TTL: variants seen among roughly 807,000 people sequenced by gnomAD.
TTL encodes tubulin tyrosine ligase, also known as tubulin--tyrosine ligase.
A neutral mutation model predicts 41.1 loss-of-function variants in TTL; 10 were observed. That is an observed-to-expected ratio of 0.24 (90% CI 0.15 to 0.41). The LOEUF (loss-of-function observed/expected upper bound fraction) is 0.41. Among genes scored for constraint, TTL ranks in the 10% least tolerant of loss-of-function variants. The pLI, the probability that TTL is intolerant of heterozygous loss-of-function variation, is 1.00. For missense variants in TTL, 367 were observed against 460.4 expected, an observed-to-expected ratio of 0.80 and a Z score of 1.86; for synonymous variants, 175 against 175.5, an observed-to-expected ratio of 1.00 and a Z score of 0.02.
At chr2:112,511,882 T>C (rs1480768664) in intron 5 of TTL, among the ~76,000 whole-genome samples, 1 of 152,092 alleles carries the variant, frequency 6.6e-6, no homozygotes, top group East Asian at 1.9e-4. Context: ...GTATTTCTTA[T>C]TTATTTATCT....
At chr2:112,521,009 G>C (rs1468656035) in intron 6 of TTL, among the ~76,000 whole-genome samples, 1 of 152,154 alleles carries the variant, frequency 6.6e-6, no homozygotes, top group Non-Finnish European at 1.5e-5. Flanking sequence ...AGACCCGTAT[G>C]ACAAGCTGAG....
At position 112,497,030 on chromosome 2, in the gene TTL, C is replaced by A. The variant is rs1574058737; in HGVS notation, c.469+2655C>A. On this transcript the variant is annotated intron_variant, in intron 3 of 6. Coordinates refer to ENST00000233336, the MANE Select transcript of TTL (RefSeq NM_153712.5). ...TGAGACAGGGTTTCACCACATTAGCCAGGATGGTCTCGATCTCCTGACCTC... is the reference window on the plus strand; with the variant it reads ...TGAGACAGGGTTTCACCACATTAGCAAGGATGGTCTCGATCTCCTGACCTC... Among the ~76,000 whole-genome samples the A allele has an allele frequency of 3.3e-5, 5 of 151,942 alleles. No homozygotes were observed. The South Asian group carries it at 1.0e-3, about 32-fold the overall frequency.
chr2:112,489,218 A>G (rs1253370216), intron 2 of TTL, among the ~76,000 whole-genome samples: 16 of 152,222 alleles, frequency 1.1e-4, no homozygotes, highest in Non-Finnish European at 1.5e-5. Flanking sequence ...TCACTCTTCA[A>G]AATCTAATGT....
At chr2:112,526,172 G>T (rs1682367635) in intron 6 of TTL, among the ~76,000 whole-genome samples, 1 of 152,188 alleles carries the variant, frequency 6.6e-6, no homozygotes, top group African/African-American at 2.4e-5. Flanking sequence ...TTGATGTGCT[G>T]CTGGATTTAG....
At chr2:112,511,739 A>AT (rs777155120) in intron 5 of TTL, among the ~76,000 whole-genome samples, 1,958 of 128,862 alleles carry the variant, frequency 0.015, 17 homozygotes, top group Non-Finnish European at 0.021. Flanking sequence ...TAATTTTTGT[A>AT]TTTTTTTTTT....
chr2:112,513,068 C>T (rs938726742), intron 5 of TTL, among the ~76,000 whole-genome samples: 7 of 151,598 alleles, frequency 4.6e-5, no homozygotes, highest in African/African-American at 1.7e-4. Context: ...AATGCAAAAA[C>T]CTTATAACAT....
chr2:112,498,868 A>C (rs949111780), intron 3 of TTL, among the ~76,000 whole-genome samples: 94 of 152,248 alleles, frequency 6.2e-4, no homozygotes, highest in African/African-American at 2.0e-3. Context: ...CTCAATCAAT[A>C]AATAAATAAT....
chr2:112,518,074 C>T (rs1206119512), intron 5 of TTL, among the ~76,000 whole-genome samples: 1 of 151,874 alleles, frequency 6.6e-6, no homozygotes, highest in African/African-American at 2.4e-5. Flanking sequence ...GATTCTCCTG[C>T]CTCAGCCTCC....
rs370839858 is a variant in TTL at position 112,494,217 on chromosome 2, A to G, written c.311A>G (p.Asn104Ser). Residue 104 changes from asparagine (N) to serine (S), a missense_variant, in exon 3 of 7, where the codon AAT (asparagine) becomes AGT (serine). Physicochemically the swap from Asn to Ser is conservative, Grantham distance 46. Coordinates refer to ENST00000233336, the MANE Select transcript of TTL (RefSeq NM_153712.5). ...FPESYVIYPT[N>S]LKTPVAPAQN... Reference sequence around the variant, plus strand: ...GAATCTTATGTGATTTATCCAACCAATCTCAAGACTCCAGTTGCTCCAGCA... The same window carrying G: ...GAATCTTATGTGATTTATCCAACCAGTCTCAAGACTCCAGTTGCTCCAGCA... 2 of 1,614,092 alleles carry G rather than the reference A, an allele frequency of 1.2e-6. No homozygotes were observed. Among genetic ancestry groups the G allele is most frequent in the African/African-American group, 2.7e-5 (2 of 74,920 alleles).
At chr2:112,521,491 A>AT (rs1433609349) in intron 6 of TTL, 6 of 480,322 alleles carry the variant, frequency 1.2e-5, no homozygotes, top group Admixed American at 1.3e-4. Context: ...AAATTGAGTG[A>AT]TTTTTCAAAA....
At position 112,531,199 on chromosome 2, in the gene TTL, C is replaced by G. The variant is rs567818551; in HGVS notation, c.*2404C>G. ...GATTGGTTCAGAACTGTTCCTTTCC[C>G]TTCCATGATGTCCTTGACACAGAAG... On this transcript the variant is annotated 3_prime_UTR_variant, in exon 7 of 7. Coordinates refer to ENST00000233336, the MANE Select transcript of TTL (RefSeq NM_153712.5). The G allele has an allele frequency of 1.4e-5, 3 of 221,218 alleles. No individual in the cohort carries two copies. The Admixed American group carries it at 1.7e-4, about 13-fold the overall frequency. 13.7% of individuals were successfully genotyped at this position (221,218 alleles called of 1,614,324 possible).
chr2:112,520,065 G>A (rs183751675), intron 5 of TTL, among the ~76,000 whole-genome samples: 163 of 149,982 alleles, frequency 1.1e-3, no homozygotes, highest in Non-Finnish European at 2.0e-3. Flanking sequence ...AGGAGGCGGA[G>A]GTTGCCATGA....
intron 5 of TTL, among the ~76,000 whole-genome samples, chr2:112,513,205 A>C (rs1308352671): frequency 2.0e-5 from 3 of 152,114 alleles, no homozygotes; most frequent in Non-Finnish European, 4.4e-5. Context: ...CAGGTATGAT[A>C]GATTATCAGG....
At chr2:112,514,427 T>C (rs1018708278) in intron 5 of TTL, among the ~76,000 whole-genome samples, 14 of 152,182 alleles carry the variant, frequency 9.2e-5, no homozygotes, top group African/African-American at 3.4e-4. Context: ...TAAAGTCTGC[T>C]GTGATAAATT....
At position 112,531,651 on chromosome 2, in the gene TTL, TTA is replaced by T. The variant is rs1682511619; in HGVS notation, c.*2858_*2859del. On this transcript the variant is annotated 3_prime_UTR_variant, in exon 7 of 7. Transcript: ENST00000233336. ...TGCTTGAGAAGGAAGGACAAACACA[TTA>T]TTATCTTGGAAGAATTGCATAAGGC... 4.4e-6 allele frequency: 1 copy of T among 225,434 alleles called. No homozygotes were observed. The highest frequency in any genetic ancestry group is 8.8e-6 in the Non-Finnish European group (1 of 113,232). The allele number at this position is 225,434 out of a possible 1,614,324, so 14.0% of individuals were successfully genotyped here.
chr2:112,513,344 C>T (rs1681975857), intron 5 of TTL, among the ~76,000 whole-genome samples: 1 of 151,958 alleles, frequency 6.6e-6, no homozygotes, highest in African/African-American at 2.4e-5. Context: ...TTGCGAAGTT[C>T]TGAGATTCTC....
At chr2:112,513,451 T>C (rs1681980131) in intron 5 of TTL, among the ~76,000 whole-genome samples, 1 of 152,018 alleles carries the variant, frequency 6.6e-6, no homozygotes, top group South Asian at 2.1e-4. Context: ...CTCTCTCTCT[T>C]ATGCATTTTT....
Position 112,532,126 on chromosome 2 carries a change from A to G in TTL, c.*3331A>G, listed in dbSNP as rs1682522420. 1 of 226,594 alleles carries G rather than the reference A, an allele frequency of 4.4e-6. No homozygotes were observed. Among genetic ancestry groups the G allele is most frequent in the African/African-American group, 2.2e-5 (1 of 44,950 alleles). The allele number at this position is 226,594 out of a possible 1,614,324, so 14.0% of individuals were successfully genotyped here. A position where few individuals can be genotyped will look rare whatever the true frequency, so the allele number is the denominator to read the frequency against. ...CTGGGAGTGCTGGAAATGTACTGTG[A>G]TCGAAGTGACAAAGTGTGTTTTCAT... On this transcript the variant is annotated 3_prime_UTR_variant, in exon 7 of 7. Transcript: ENST00000233336.
chr2:112,514,120 A>G (rs1682002592), intron 5 of TTL, among the ~76,000 whole-genome samples: 1 of 152,018 alleles, frequency 6.6e-6, no homozygotes, highest in Admixed American at 6.6e-5. Flanking sequence ...GCGGCACCTC[A>G]CACCTGTAAT....
Sources: gnomAD v4.1 joint callset for allele counts (sites outside exome capture counted in the v4.1 genomes callset) on GRCh38, gnomAD v4.1.1 for gene constraint, MANE v1.5 for transcripts, NCBI Gene and HGNC (gene_info 2026-07-23, HGNC 2026-07-21) for gene names.